PREX1: variants seen among roughly 807,000 people sequenced by gnomAD.
PREX1 encodes the protein phosphatidylinositol-3,4,5-trisphosphate dependent Rac exchange factor 1, also known as phosphatidylinositol 3,4,5-trisphosphate-dependent Rac exchanger 1 protein.
A neutral mutation model predicts 198.3 loss-of-function variants in PREX1; 41 were observed. That is an observed-to-expected ratio of 0.21 (90% CI 0.16 to 0.27). The LOEUF (loss-of-function observed/expected upper bound fraction) is 0.27. PREX1 is among the 10% of genes least tolerant of loss of function. PREX1 has a pLI of 1.00. For missense variants in PREX1, 1,620 were observed against 2,200.7 expected (o/e 0.74, Z 5.28); for synonymous variants, 843 against 887.2 (o/e 0.95, Z 0.89).
chr20:48,888,049 C>T, the PREX1 span, among the ~76,000 whole-genome samples: 1 of 152,208 alleles, frequency 6.6e-6, no homozygotes, highest in Admixed American at 6.5e-5. Flanking sequence ...TTTCACACTG[C>T]TGCTAAAGAC....
the PREX1 span, among the ~76,000 whole-genome samples, chr20:48,841,263 C>T: frequency 6.6e-6 from 1 of 152,202 alleles, no homozygotes; most frequent in African/African-American, 2.4e-5. Flanking sequence ...GGAAGGCAAA[C>T]TTCTTCTGCA....
At chr20:48,746,735 C>T (rs377017156) in intron 2 of PREX1, among the ~76,000 whole-genome samples, 4 of 151,148 alleles carry the variant, frequency 2.6e-5, no homozygotes, top group African/African-American at 9.7e-5. Flanking sequence ...GCACCCTTTA[C>T]TGTATGAGAC....
chr20:48,659,671 G>A (rs1399097240), intron 16 of PREX1, among the ~76,000 whole-genome samples: 2 of 152,178 alleles, frequency 1.3e-5, no homozygotes. Context: ...AGTGTACGGG[G>A]AGGGGACAGG....
At position 48,657,052 on chromosome 20, in the gene PREX1, G is replaced by A. The variant is rs768227498; in HGVS notation, c.2111C>T (p.Thr704Met). 21 of 1,595,816 alleles carry A rather than the reference G, an allele frequency of 1.3e-5. No individual in the cohort carries two copies. Among genetic ancestry groups the A allele is most frequent in the South Asian group, 5.6e-5 (5 of 88,592 alleles). The change falls in exon 18 of 40, where the codon ACG becomes ATG. Residue 704 changes from threonine to methionine, a missense_variant. Thr to Met is a moderately conservative substitution (Grantham distance 81). This residue lies in a region of PREX1 where 514 missense variants were observed against 611.6 expected (regional missense o/e 0.84). Coordinates refer to ENST00000371941, the MANE Select transcript of PREX1 (RefSeq NM_020820.4). ...SRRPLRLLVA[T>M]KAKEIIKIPD... Reference sequence around the variant, plus strand: ...CTGGGACACTCACTCTTTGGCCTTCGTGGCCACCAGGAGGCGCAGAGGGCG... The same window carrying A: ...CTGGGACACTCACTCTTTGGCCTTCATGGCCACCAGGAGGCGCAGAGGGCG...
In PREX1 at chr20:48,666,187, A is replaced by T; in HGVS notation, c.1738+96T>A. On this transcript the variant is annotated intron_variant, in intron 15 of 39. Transcript: ENST00000371941. This position sits in a 1 kb window ranked among gnomAD's most constrained non-coding sequence, Gnocchi z 4.3. ...TCCCCAAACCCCCGGGGGTCTAGAGAGCCACAGACCTGGCTTCAGTCCTCC... is the reference window on the plus strand; with the variant it reads ...TCCCCAAACCCCCGGGGGTCTAGAGTGCCACAGACCTGGCTTCAGTCCTCC... 1 of 1,280,112 alleles carries T rather than the reference A, an allele frequency of 7.8e-7. No homozygotes were observed. Among genetic ancestry groups the T allele is most frequent in the South Asian group, 1.3e-5 (1 of 77,560 alleles). 79.3% of individuals were successfully genotyped at this position (1,280,112 alleles called of 1,614,324 possible). A position where few individuals can be genotyped will look rare whatever the true frequency, so the allele number is the denominator to read the frequency against.
chr20:48,772,562 C>A (rs973520614), intron 1 of PREX1, among the ~76,000 whole-genome samples: 6 of 152,232 alleles, frequency 3.9e-5, no homozygotes, highest in Non-Finnish European at 7.3e-5. Flanking sequence ...TTTCTCTTTG[C>A]GGAACTTCCC....
At chr20:48,815,284 A>G (rs2090454360) in intron 1 of PREX1, among the ~76,000 whole-genome samples, 2 of 152,220 alleles carry the variant, frequency 1.3e-5, no homozygotes, top group African/African-American at 4.8e-5. Flanking sequence ...AACCACCTTG[A>G]TCCAAATGAC....
At chr20:48,631,930 C>G (rs916911168) in intron 35 of PREX1, among the ~76,000 whole-genome samples, 1 of 152,196 alleles carries the variant, frequency 6.6e-6, no homozygotes, top group African/African-American at 2.4e-5. Flanking sequence ...GTCCCCTGTC[C>G]TAGCTCCCAC....
intron 13 of PREX1, among the ~76,000 whole-genome samples, chr20:48,678,672 G>A (rs1417771760): frequency 6.6e-6 from 1 of 152,140 alleles, no homozygotes; most frequent in Non-Finnish European, 1.5e-5. Flanking sequence ...AAGATCTGAT[G>A]GTTTCATAAG....
chr20:48,746,743 GA>G (rs1238361033), intron 2 of PREX1, among the ~76,000 whole-genome samples: 1 of 149,082 alleles, frequency 6.7e-6, no homozygotes, highest in East Asian at 2.0e-4. Context: ...TACTGTATGA[GA>G]CTTCTACCTC....
intron 3 of PREX1, among the ~76,000 whole-genome samples, chr20:48,738,377 G>C (rs1475132665): frequency 6.6e-6 from 1 of 152,204 alleles, no homozygotes; most frequent in Non-Finnish European, 1.5e-5. Context: ...TCAGCCTGTG[G>C]GAAGGGCAGG....
chr20:48,828,541 G>A (rs1031669881), upstream of PREX1, among the ~76,000 whole-genome samples: 1 of 150,118 alleles, frequency 6.7e-6, no homozygotes, highest in African/African-American at 2.4e-5. Flanking sequence ...GGGCAGTGAC[G>A]GCCCCTCTCT....
the PREX1 span, among the ~76,000 whole-genome samples, chr20:48,882,525 A>AAAAAAAAAAAAAAAAAAAAAAAAAAAAG: frequency 1.0e-5 from 1 of 97,814 alleles, no homozygotes. Context: ...AAAAAAAAAA[A>AAAAAAAAAAAAAAAAAAAAAAAAAAAAG]AGAGAGAATC....
chr20:48,664,104 G>C (rs2089617073), intron 15 of PREX1, among the ~76,000 whole-genome samples: 1 of 152,236 alleles, frequency 6.6e-6, no homozygotes, highest in South Asian at 2.1e-4. Flanking sequence ...GTCGGGCGCG[G>C]TGGCTCACGC....
rs1198561272 is a variant in PREX1 at position 48,732,951 on chromosome 20, C to A, written c.519+1595G>T. 2.6e-5 allele frequency among the ~76,000 whole-genome samples: 4 copies of A among 152,216 alleles called. No homozygotes were observed. In the East Asian group the frequency reaches 7.7e-4, roughly 29 times the overall value. On this transcript the variant is annotated intron_variant, in intron 4 of 39. Transcript: ENST00000371941. Reference sequence around the variant, plus strand: ...TGAGCATCATAACCTAGGGCCTTAGCCCCTGACACTGGAGCCACTATACCA... The same window carrying A: ...TGAGCATCATAACCTAGGGCCTTAGACCCTGACACTGGAGCCACTATACCA...
At chr20:48,844,342 A>G in the PREX1 span, among the ~76,000 whole-genome samples, 2 of 152,054 alleles carry the variant, frequency 1.3e-5, no homozygotes, top group Non-Finnish European at 2.9e-5. Flanking sequence ...TATCTTCTAC[A>G]CCCATTGAAG....
At chr20:48,706,103 A>G (rs998914465) in intron 6 of PREX1, among the ~76,000 whole-genome samples, 2 of 152,230 alleles carry the variant, frequency 1.3e-5, no homozygotes, top group African/African-American at 4.8e-5. Context: ...ATCCAGCAAC[A>G]CTGGCCACTG....
intron 1 of PREX1, among the ~76,000 whole-genome samples, chr20:48,750,596 G>A (rs970079301): frequency 7.9e-5 from 12 of 152,036 alleles, no homozygotes; most frequent in African/African-American, 2.9e-4. Flanking sequence ...GTTCCTGCTT[G>A]CAAGATGTTC....
rs1260394686 is a variant in PREX1, at chr20:48,662,998, C to T, written c.1739-2937G>A. On this transcript the variant is annotated intron_variant, in intron 15 of 39. Coordinates refer to ENST00000371941, the MANE Select transcript of PREX1 (RefSeq NM_020820.4). ...GAGGCTCGGGGCTGTCAGAGGGCCC[C>T]GAGGCAAACAGAGCAGCTTCTGGGA... 3.3e-5 allele frequency among the ~76,000 whole-genome samples: 5 copies of T among 152,116 alleles called. No homozygotes were observed. In the East Asian group the frequency reaches 7.7e-4, roughly 23 times the overall value.
Sources: gnomAD v4.1 joint callset for allele counts (sites outside exome capture counted in the v4.1 genomes callset) on GRCh38, gnomAD v4.1.1 for gene constraint, gnomAD v4.1.1 regional missense constraint, Gnocchi (gnomAD v3.1) non-coding constraint, MANE v1.5 for transcripts, NCBI Gene and HGNC (gene_info 2026-07-23, HGNC 2026-07-21) for gene names.